ERBB4: variants seen among roughly 807,000 people sequenced by gnomAD.
ERBB4 encodes receptor tyrosine-protein kinase erbB-4.
ERBB4 carries 42 observed loss-of-function variants against 158.0 expected under a neutral mutation model. That is an observed-to-expected ratio of 0.27 (90% CI 0.21 to 0.34). The LOEUF is 0.34. Among genes scored for constraint, ERBB4 ranks in the 10% least tolerant of loss-of-function variants. The probability of loss-of-function intolerance (pLI) is 1.00; values close to 1 mark genes in which losing one functional copy is unlikely to be tolerated. For synonymous variants in ERBB4, 583 were observed against 558.7 expected (o/e 1.04, Z -0.61); for missense variants, 1,333 against 1,624.1 (o/e 0.82, Z 3.08).
chr2:211,819,059 A>C (rs757185450), intron 3 of ERBB4, among the ~76,000 whole-genome samples: 1 of 152,144 alleles, frequency 6.6e-6, no homozygotes. Context: ...TAGATGCCAC[A>C]AGATAAAACC....
intron 2 of ERBB4, among the ~76,000 whole-genome samples, chr2:212,110,122 T>C (rs956556352): frequency 3.3e-5 from 5 of 152,182 alleles, no homozygotes; most frequent in African/African-American, 7.2e-5. Context: ...AATGCTAAGA[T>C]AACTGCAGCA....
At chr2:211,391,184 C>G (rs1187156398) in intron 25 of ERBB4, among the ~76,000 whole-genome samples, 1 of 152,200 alleles carries the variant, frequency 6.6e-6, no homozygotes, top group Non-Finnish European at 1.5e-5. Context: ...CAGCTCTTCT[C>G]ATTTCTCTCT....
At chr2:211,899,844 A>C (rs2079188200) in intron 3 of ERBB4, among the ~76,000 whole-genome samples, 1 of 152,206 alleles carries the variant, frequency 6.6e-6, no homozygotes, top group Admixed American at 6.5e-5. Context: ...GTTAAGTTTA[A>C]TATATTAATT....
At chr2:212,450,181 A>T (rs2092424524) in intron 1 of ERBB4, among the ~76,000 whole-genome samples, 1 of 152,182 alleles carries the variant, frequency 6.6e-6, no homozygotes, top group Admixed American at 6.5e-5. Context: ...AAATAGCAAC[A>T]GAATGGGGAG....
intron 1 of ERBB4, among the ~76,000 whole-genome samples, chr2:212,329,793 A>C (rs2088043996): frequency 6.6e-6 from 1 of 152,100 alleles, no homozygotes; most frequent in South Asian, 2.1e-4. Context: ...ATAATTTATA[A>C]AATCTTGAAT....
At chr2:211,640,040 G>A (rs1246910309) in intron 16 of ERBB4, among the ~76,000 whole-genome samples, 1 of 152,052 alleles carries the variant, frequency 6.6e-6, no homozygotes, top group East Asian at 1.9e-4. Flanking sequence ...CATTTTTAAA[G>A]TAATAGCCTG....
intron 2 of ERBB4, among the ~76,000 whole-genome samples, chr2:212,105,497 A>G (rs1309899727): frequency 1.3e-5 from 2 of 152,160 alleles, no homozygotes; most frequent in Non-Finnish European, 2.9e-5. Flanking sequence ...TTTAGCAATC[A>G]CGCTTTTTCT....
intron 19 of ERBB4, among the ~76,000 whole-genome samples, chr2:211,589,762 A>T (rs2068404201): frequency 6.6e-6 from 1 of 151,918 alleles, no homozygotes; most frequent in African/African-American, 2.4e-5. Context: ...CATTAACTAT[A>T]AAAAAAACTA....
intron 1 of ERBB4, among the ~76,000 whole-genome samples, chr2:212,221,983 T>C (rs2083304631): frequency 6.6e-6 from 1 of 151,630 alleles, no homozygotes; most frequent in South Asian, 2.1e-4. Context: ...ACAGTATCCG[T>C]ATGCACAGTG....
At chr2:212,016,615 T>C (rs1255657081) in intron 2 of ERBB4, among the ~76,000 whole-genome samples, 1 of 152,130 alleles carries the variant, frequency 6.6e-6, no homozygotes, top group Non-Finnish European at 1.5e-5. Flanking sequence ...ATTTCAACAT[T>C]TGTGGAGGAG....
chr2:211,631,998 A>T (rs2070152946), intron 16 of ERBB4, among the ~76,000 whole-genome samples: 1 of 152,106 alleles, frequency 6.6e-6, no homozygotes, highest in Non-Finnish European at 1.5e-5. Flanking sequence ...GCTCATAAAA[A>T]AAATCTGCGT....
chr2:212,436,771 T>C (rs1468229049), intron 1 of ERBB4, among the ~76,000 whole-genome samples: 1 of 152,056 alleles, frequency 6.6e-6, no homozygotes, highest in Admixed American at 6.6e-5. Flanking sequence ...TGAACATAAC[T>C]AGAATGGCCG....
chr2:212,049,920 G>A (rs1347044005), intron 2 of ERBB4, among the ~76,000 whole-genome samples: 1 of 152,060 alleles, frequency 6.6e-6, no homozygotes, highest in African/African-American at 2.4e-5. Flanking sequence ...TCATTTTAAT[G>A]ACCCATCAAT....
intron 20 of ERBB4, among the ~76,000 whole-genome samples, chr2:211,547,261 T>A (rs951477665): frequency 1.5e-4 from 23 of 152,132 alleles, no homozygotes; most frequent in African/African-American, 5.3e-4. Flanking sequence ...GCTGTATTTT[T>A]AAAGAGCTAT....
At chr2:211,871,396 G>A (rs965739859) in intron 3 of ERBB4, among the ~76,000 whole-genome samples, 3 of 151,652 alleles carry the variant, frequency 2.0e-5, no homozygotes, top group Non-Finnish European at 4.4e-5. Flanking sequence ...TTTTCTGGTA[G>A]TTAATCAAGT....
At chr2:211,826,903 T>A (rs910722301) in intron 3 of ERBB4, among the ~76,000 whole-genome samples, 5 of 152,030 alleles carry the variant, frequency 3.3e-5, no homozygotes, top group Admixed American at 1.3e-4. Flanking sequence ...CCAACTGTTA[T>A]TTGCAGAGAT....
intron 1 of ERBB4, among the ~76,000 whole-genome samples, chr2:212,425,543 T>C (rs1287407077): frequency 6.6e-6 from 1 of 151,484 alleles, no homozygotes; most frequent in Non-Finnish European, 1.5e-5. Context: ...CTCCTCAAAA[T>C]AAAACACATC....
rs548482379 is a variant in ERBB4, at chr2:212,396,688, T to C, written c.82+141761A>G. On this transcript the variant is annotated intron_variant, in intron 1 of 27. Coordinates refer to ENST00000342788, the MANE Select transcript of ERBB4 (RefSeq NM_005235.3). ...TTAGATGGGACTGGTTCACAATACCTACTTAAGCCATAGCAGACCCAAACC... is the reference window on the plus strand; with the variant it reads ...TTAGATGGGACTGGTTCACAATACCCACTTAAGCCATAGCAGACCCAAACC... 2.6e-5 allele frequency among the ~76,000 whole-genome samples: 4 copies of C among 152,302 alleles called. No individual in the cohort carries two copies. In the East Asian group the frequency reaches 7.7e-4, roughly 29 times the overall value.
chr2:212,224,918 T>A (rs1019384825), intron 1 of ERBB4, among the ~76,000 whole-genome samples: 9 of 152,050 alleles, frequency 5.9e-5, no homozygotes, highest in African/African-American at 2.2e-4. Context: ...AAAATAAAAT[T>A]TTAAGAATGT....
Sources: gnomAD v4.1 joint callset for allele counts (sites outside exome capture counted in the v4.1 genomes callset) on GRCh38, gnomAD v4.1.1 for gene constraint, MANE v1.5 for transcripts, NCBI Gene and HGNC (gene_info 2026-07-23, HGNC 2026-07-21) for gene names.